The following HHAT variants were observed in gnomAD, a reference collection of about 807,000 sequenced individuals.
HHAT encodes the protein protein-cysteine N-palmitoyltransferase HHAT.
HHAT carries 47 observed loss-of-function variants against 70.8 expected under a neutral mutation model. The observed-to-expected ratio is 0.66, with a 90% CI of 0.53 to 0.85. HHAT has a LOEUF of 0.85. Among genes scored for constraint, HHAT ranks in the 40% least tolerant of loss-of-function variants. The pLI is 0.00. For missense variants in HHAT, 609 were observed against 604.8 expected, an observed-to-expected ratio of 1.01 and a Z score of -0.07; for synonymous variants, 228 against 247.6, an observed-to-expected ratio of 0.92 and a Z score of 0.74.
chr1:210,532,081 G>A (rs1388655191), intron 9 of HHAT, among the ~76,000 whole-genome samples: 4 of 152,180 alleles, frequency 2.6e-5, no homozygotes, highest in African/African-American at 9.7e-5. Flanking sequence ...AAAGCCCATA[G>A]CATCTGTTTC....
chr1:210,563,095 C>A (rs2148713318), intron 9 of HHAT, among the ~76,000 whole-genome samples: 1 of 152,132 alleles, frequency 6.6e-6, no homozygotes, highest in African/African-American at 2.4e-5. Context: ...TGAATCCATG[C>A]CTTAACCACT....
In HHAT at chr1:210,566,614, G is replaced by C. The variant is rs577117822; in HGVS notation, c.1044-21284G>C. On this transcript the variant is annotated intron_variant, in intron 9 of 11. Coordinates refer to ENST00000261458, the MANE Select transcript of HHAT (RefSeq NM_018194.6). The stretch of plus-strand genomic sequence containing the variant: ...CATGGCAGAGAAGGGGAGAAGAGAA[G>C]GAATGTCTGAATGCTGAGAGGAGTT... Among the ~76,000 whole-genome samples the C allele has an allele frequency of 5.9e-5, 9 of 152,250 alleles. No individual in the cohort carries two copies. The East Asian group carries it at 1.8e-3, about 30-fold the overall frequency.
chr1:210,372,364 TTTG>T (rs2089643127), intron 3 of HHAT, among the ~76,000 whole-genome samples: 1 of 152,200 alleles, frequency 6.6e-6, no homozygotes, highest in Non-Finnish European at 1.5e-5. Flanking sequence ...CCAAGCCTAT[TTTG>T]TTGTTTAACA....
At chr1:210,359,388 A>T (rs2087999500) in intron 2 of HHAT, among the ~76,000 whole-genome samples, 1 of 152,182 alleles carries the variant, frequency 6.6e-6, no homozygotes. Flanking sequence ...AAACCATCCC[A>T]ATTGCTCCTA....
At chr1:210,487,360 T>G (rs2094488637) in intron 8 of HHAT, among the ~76,000 whole-genome samples, 1 of 152,172 alleles carries the variant, frequency 6.6e-6, no homozygotes, top group African/African-American at 2.4e-5. Flanking sequence ...CATGGTCTCC[T>G]GCAGAGCCCC....
intron 7 of HHAT, among the ~76,000 whole-genome samples, chr1:210,424,598 C>G (rs1319853505): frequency 6.6e-6 from 1 of 151,696 alleles, no homozygotes; most frequent in Non-Finnish European, 1.5e-5. Context: ...TCCTCCCACC[C>G]TCCACCCCGT....
intron 8 of HHAT, among the ~76,000 whole-genome samples, chr1:210,501,334 C>A (rs1431761906): frequency 6.6e-6 from 1 of 152,256 alleles, no homozygotes; most frequent in East Asian, 1.9e-4. Flanking sequence ...TCTGTCCTAT[C>A]TCCTCCCCGT....
At chr1:210,673,064 A>G (rs1680405063) in intron 11 of HHAT, among the ~76,000 whole-genome samples, 1 of 152,204 alleles carries the variant, frequency 6.6e-6, no homozygotes, top group African/African-American at 2.4e-5. Context: ...AGAAATGTCA[A>G]AAATTTAAAT....
At chr1:210,549,893 A>T (rs2148680020) in intron 9 of HHAT, among the ~76,000 whole-genome samples, 1 of 148,930 alleles carries the variant, frequency 6.7e-6, no homozygotes, top group African/African-American at 2.5e-5. Context: ...GTTGAATCAT[A>T]CTACTCACTT....
intron 9 of HHAT, among the ~76,000 whole-genome samples, chr1:210,571,140 C>T (rs1656181343): frequency 6.6e-6 from 1 of 152,230 alleles, no homozygotes. Flanking sequence ...AGCTCTGGAT[C>T]AGCTACTTCT....
intron 4 of HHAT, among the ~76,000 whole-genome samples, chr1:210,392,264 C>G (rs2091508754): frequency 6.6e-6 from 1 of 152,148 alleles, no homozygotes; most frequent in Non-Finnish European, 1.5e-5. Flanking sequence ...TGTTTTTCAT[C>G]TGTCCTCCCC....
intron 3 of HHAT, among the ~76,000 whole-genome samples, chr1:210,373,858 T>G (rs960255330): frequency 1.3e-5 from 2 of 152,200 alleles, no homozygotes; most frequent in African/African-American, 4.8e-5. Context: ...TTCTCCCAAC[T>G]ATGTGGCTGA....
intron 8 of HHAT, among the ~76,000 whole-genome samples, chr1:210,496,945 G>C (rs768618811): frequency 2.0e-5 from 3 of 152,146 alleles, no homozygotes; most frequent in Non-Finnish European, 2.9e-5. Flanking sequence ...ATCTGCTGGT[G>C]GTGGGTTCTC....
chr1:210,605,798 T>C (rs1370645473), intron 10 of HHAT, among the ~76,000 whole-genome samples: 1 of 152,156 alleles, frequency 6.6e-6, no homozygotes, highest in East Asian at 1.9e-4. Context: ...CTTAGTTGTT[T>C]GTGATTTTTA....
chr1:210,577,275 G>A (rs546294642), intron 9 of HHAT, among the ~76,000 whole-genome samples: 1 of 152,264 alleles, frequency 6.6e-6, no homozygotes, highest in Admixed American at 6.5e-5. Context: ...TTAGCAAAAA[G>A]ACTTTCAGTT....
intron 11 of HHAT, among the ~76,000 whole-genome samples, chr1:210,635,113 T>C (rs1671628482): frequency 6.6e-6 from 1 of 152,224 alleles, no homozygotes; most frequent in Non-Finnish European, 1.5e-5. Context: ...GTCTTAATTT[T>C]GTCTTCTGGG....
chr1:210,359,851 A>C (rs1448065107), intron 2 of HHAT, among the ~76,000 whole-genome samples: 1 of 151,700 alleles, frequency 6.6e-6, no homozygotes, highest in Non-Finnish European at 1.5e-5. Flanking sequence ...TAGGCGACAG[A>C]GCGAGACTTC....
At chr1:210,577,523 T>C (rs1216210313) in intron 9 of HHAT, among the ~76,000 whole-genome samples, 1 of 152,098 alleles carries the variant, frequency 6.6e-6, no homozygotes, top group Non-Finnish European at 1.5e-5. Flanking sequence ...ACCTTAGGGG[T>C]AGATCCCAGT....
chr1:210,357,296 A>C (rs2087742117), intron 2 of HHAT, among the ~76,000 whole-genome samples: 3 of 152,234 alleles, frequency 2.0e-5, no homozygotes, highest in Admixed American at 2.0e-4. Context: ...CAGCAGAAGC[A>C]GGAAAGTTAC....
Sources: allele counts gnomAD v4.1 joint callset (sites outside exome capture counted in the v4.1 genomes callset), GRCh38; gene constraint gnomAD v4.1.1; transcripts MANE v1.5; gene names NCBI Gene and HGNC (gene_info 2026-07-23, HGNC 2026-07-21).